The following CNTN4 variants were observed in gnomAD, a reference collection of about 807,000 sequenced individuals.
CNTN4 encodes contactin 4, also known as contactin-4.
In CNTN4, 77 loss-of-function variants were observed where a neutral mutation model predicts 122.5. The ratio of observed to expected loss-of-function variants is 0.63; its 90% CI spans 0.52 to 0.76. The LOEUF (loss-of-function observed/expected upper bound fraction) is 0.76, where lower values mean the gene tolerates loss of function less well. CNTN4 is among the 30% of genes least tolerant of loss of function. The pLI, the probability that CNTN4 is intolerant of heterozygous loss-of-function variation, is 0.00. For missense variants in CNTN4, 1,256 were observed against 1,259.1 expected, an observed-to-expected ratio of 1.00 and a Z score of 0.04; for synonymous variants, 512 against 447.0, an observed-to-expected ratio of 1.15 and a Z score of -1.83.
chr3:2,713,410 G>A (rs2087274656), intron 4 of CNTN4, among the ~76,000 whole-genome samples: 1 of 152,126 alleles, frequency 6.6e-6, no homozygotes, highest in Admixed American at 6.6e-5. Flanking sequence ...GATGAAGAGT[G>A]GAAAGTCGTA....
chr3:2,627,632 T>C (rs920780667), intron 4 of CNTN4, among the ~76,000 whole-genome samples: 4 of 151,020 alleles, frequency 2.6e-5, no homozygotes, highest in East Asian at 2.0e-4. Context: ...TAGTTGGGAA[T>C]ACAGGTGCCC....
Position 2,869,038 on chromosome 3 carries a change from C to T in CNTN4, c.652+2089C>T, listed in dbSNP as rs993729875. 4.6e-5 allele frequency among the ~76,000 whole-genome samples: 7 copies of T among 152,022 alleles called. No individual in the cohort carries two copies. In the South Asian group the frequency reaches 1.2e-3, roughly 27 times the overall value. Reference sequence around the variant, plus strand: ...AAGCACTCAGCATGTTCAGAAAACACGAAGAACAGTTGAGCGTGGTTGAAG... The same window carrying T: ...AAGCACTCAGCATGTTCAGAAAACATGAAGAACAGTTGAGCGTGGTTGAAG... On this transcript the variant is annotated intron_variant, in intron 8 of 24. Transcript: ENST00000418658.
At chr3:2,990,836 A>G (rs1694989162) in intron 14 of CNTN4, among the ~76,000 whole-genome samples, 1 of 152,234 alleles carries the variant, frequency 6.6e-6, no homozygotes, top group Non-Finnish European at 1.5e-5. Context: ...TATTCACCCA[A>G]GTAAGTATAG....
chr3:2,702,749 G>A (rs553640279), intron 4 of CNTN4, among the ~76,000 whole-genome samples: 4 of 150,030 alleles, frequency 2.7e-5, no homozygotes, highest in Admixed American at 6.6e-5. Context: ...TCACGCAATC[G>A]TTCATGTGCA....
intron 3 of CNTN4, among the ~76,000 whole-genome samples, chr3:2,528,190 A>G (rs1461884411): frequency 6.6e-6 from 1 of 152,120 alleles, no homozygotes; most frequent in Admixed American, 6.6e-5. Context: ...ATCCAAGCTC[A>G]TATGTTGATT....
At chr3:2,984,976 T>C (rs1296689599) in intron 13 of CNTN4, among the ~76,000 whole-genome samples, 2 of 152,238 alleles carry the variant, frequency 1.3e-5, no homozygotes, top group Non-Finnish European at 2.9e-5. Context: ...TGTTCACCAC[T>C]CTGTTTTTGT....
intron 2 of CNTN4, among the ~76,000 whole-genome samples, chr3:2,257,592 A>G (rs1432248454): frequency 2.6e-5 from 4 of 152,334 alleles, no homozygotes; most frequent in African/African-American, 7.2e-5. Context: ...AATTTACAAG[A>G]AAAAAGCAAC....
At chr3:2,805,129 A>T (rs958507775) in intron 6 of CNTN4, among the ~76,000 whole-genome samples, 1 of 152,098 alleles carries the variant, frequency 6.6e-6, no homozygotes, top group Non-Finnish European at 1.5e-5. Flanking sequence ...GTGAGCCGAG[A>T]CCGCACCATC....
At chr3:2,137,088 C>T (rs942902371) in intron 2 of CNTN4, among the ~76,000 whole-genome samples, 6 of 150,992 alleles carry the variant, frequency 4.0e-5, no homozygotes, top group African/African-American at 1.5e-4. Flanking sequence ...TCGTGTAGAT[C>T]ACACTTTAGT....
chr3:2,950,560 T>C (rs2094729445), intron 13 of CNTN4, among the ~76,000 whole-genome samples: 1 of 152,220 alleles, frequency 6.6e-6, no homozygotes. Flanking sequence ...AGCCCAAAGA[T>C]GCTGGACTAG....
At chr3:2,915,480 G>C (rs6779761) in intron 12 of CNTN4, among the ~76,000 whole-genome samples, 98,643 of 152,058 alleles carry the variant, frequency 0.65, 31,990 homozygotes, top group Middle Eastern at 0.7. Context: ...AATTTGGATG[G>C]CTTTTATTTA....
chr3:2,545,752 G>C (rs1488862501), intron 3 of CNTN4, among the ~76,000 whole-genome samples: 1 of 151,396 alleles, frequency 6.6e-6, no homozygotes, highest in Non-Finnish European at 1.5e-5. Flanking sequence ...TCTTGAGCCT[G>C]TGAGTGTTAT....
chr3:2,807,351 G>A (rs1006960680), intron 6 of CNTN4, among the ~76,000 whole-genome samples: 9 of 152,096 alleles, frequency 5.9e-5, no homozygotes, highest in South Asian at 2.1e-4. Context: ...TATATTTGAC[G>A]ATGGTTTTAT....
intron 4 of CNTN4, among the ~76,000 whole-genome samples, chr3:2,724,034 G>A (rs2088038663): frequency 6.6e-6 from 1 of 152,182 alleles, no homozygotes; most frequent in Non-Finnish European, 1.5e-5. Flanking sequence ...CTCAGTAAAT[G>A]ATGGTTATTA....
At chr3:2,444,776 C>G (rs934159877) in intron 3 of CNTN4, among the ~76,000 whole-genome samples, 2 of 151,940 alleles carry the variant, frequency 1.3e-5, no homozygotes, top group Admixed American at 1.3e-4. Context: ...GACAGATGAA[C>G]TAATGTCCTT....
intron 3 of CNTN4, among the ~76,000 whole-genome samples, chr3:2,455,293 G>T (rs190570832): frequency 2.3e-4 from 35 of 152,204 alleles, no homozygotes; most frequent in African/African-American, 8.2e-4. Context: ...CTTCATTTGG[G>T]GTTATTGATT....
At chr3:2,987,582 A>C (rs1694692048) in intron 13 of CNTN4, among the ~76,000 whole-genome samples, 1 of 152,244 alleles carries the variant, frequency 6.6e-6, no homozygotes, top group Non-Finnish European at 1.5e-5. Context: ...TACTTCTCTG[A>C]CAAGCCTCTA....
Position 2,676,327 on chromosome 3 carries a change from T to C in CNTN4, c.56-59888T>C, listed in dbSNP as rs112702933. Among the ~76,000 whole-genome samples, 1,240 of 151,376 alleles carry C rather than the reference T, an allele frequency of 8.2e-3. 14 individuals are homozygous for C. The highest frequency in any genetic ancestry group is 0.029 in the African/African-American group (1,182 of 41,272). ...ACCTCCGCCTCCTGGGTTCAAGCAA[T>C]TATCCTGCCTCAGCCTCCCGAGTAG... On this transcript the variant is annotated intron_variant, in intron 4 of 24. Coordinates refer to ENST00000418658, the MANE Select transcript of CNTN4 (RefSeq NM_175607.3).
intron 4 of CNTN4, among the ~76,000 whole-genome samples, chr3:2,726,211 T>A (rs1215220336): frequency 6.6e-6 from 1 of 152,150 alleles, no homozygotes; most frequent in East Asian, 1.9e-4. Flanking sequence ...TACAAAAGGG[T>A]TTTTTCCTTG....
Sources: allele counts gnomAD v4.1 joint callset (sites outside exome capture counted in the v4.1 genomes callset), GRCh38; gene constraint gnomAD v4.1.1; transcripts MANE v1.5; gene names NCBI Gene and HGNC (gene_info 2026-07-23, HGNC 2026-07-21).